The following SEMA3A variants were observed in gnomAD, a reference collection of about 807,000 sequenced individuals.
SEMA3A encodes the protein semaphorin 3A, also known as semaphorin-3A.
SEMA3A carries 29 observed loss-of-function variants against 97.9 expected under a neutral mutation model. The ratio of observed to expected loss-of-function variants is 0.30; its 90% CI spans 0.22 to 0.40. The LOEUF is 0.40. SEMA3A is among the 10% of genes least tolerant of loss of function. The probability of loss-of-function intolerance (pLI) is 1.00; values close to 1 mark genes in which losing one functional copy is unlikely to be tolerated. For synonymous variants in SEMA3A, 321 were observed against 323.7 expected, an observed-to-expected ratio of 0.99 and a Z score of 0.09; for missense variants, 763 against 951.3, an observed-to-expected ratio of 0.80 and a Z score of 2.60.
At chr7:83,964,053 T>C (rs955889542) in intron 15 of SEMA3A, among the ~76,000 whole-genome samples, 10 of 152,192 alleles carry the variant, frequency 6.6e-5, no homozygotes, top group African/African-American at 1.9e-4. Context: ...AATTAGGCTA[T>C]GGAATAAGGC....
chr7:84,374,216 G>C (rs537041496), intron 1 of SEMA3A, among the ~76,000 whole-genome samples: 1 of 152,296 alleles, frequency 6.6e-6, no homozygotes, highest in South Asian at 2.1e-4. Flanking sequence ...TCAAAAATGT[G>C]AATGTGTGTA....
Position 84,046,332 on chromosome 7 carries a change from C to A in SEMA3A, c.659G>T (p.Trp220Leu). 6.2e-7 allele frequency: 1 copy of A among 1,612,904 alleles called. No homozygotes were observed. The highest frequency in any genetic ancestry group is 8.5e-7 in the Non-Finnish European group (1 of 1,179,236). Residue 220 changes from tryptophan (W) to leucine (L), a missense_variant, in exon 6 of 17, where the codon TGG (tryptophan) becomes TTG (leucine). By Grantham distance (61) the Trp-to-Leu change is moderately conservative (BLOSUM62 -2). Transcript: ENST00000265362. ...TTTCATAAACCACCTACCATTGAGCCACCTGGAATCATGCTGCTCTGTCCT... is the reference window on the plus strand; with the variant it reads ...TTTCATAAACCACCTACCATTGAGCAACCTGGAATCATGCTGCTCTGTCCT... The part of the protein sequence containing the change: ...PIRTEQHDSR[W>L]LNDPKFISAH...
chr7:84,052,982 T>C (rs1487740753), intron 5 of SEMA3A, among the ~76,000 whole-genome samples: 1 of 151,048 alleles, frequency 6.6e-6, no homozygotes, highest in South Asian at 2.1e-4. Context: ...CCAGTAGTCA[T>C]TCAGGAGCAG....
intron 4 of SEMA3A, among the ~76,000 whole-genome samples, chr7:84,063,812 T>C (rs867606633): frequency 8.9e-4 from 133 of 148,894 alleles, no homozygotes; most frequent in Middle Eastern, 3.5e-3. Context: ...CTGAAAGTGA[T>C]GGGGAGAATG....
intron 1 of SEMA3A, among the ~76,000 whole-genome samples, chr7:84,407,977 A>G (rs1248024228): frequency 6.6e-6 from 1 of 152,130 alleles, no homozygotes; most frequent in Non-Finnish European, 1.5e-5. Flanking sequence ...TCAGGACATA[A>G]GCATGGGCAA....
intron 3 of SEMA3A, among the ~76,000 whole-genome samples, chr7:84,278,316 TACA>T (rs1380320323): frequency 1.3e-5 from 2 of 152,098 alleles, no homozygotes; most frequent in East Asian, 3.9e-4. Context: ...GCATCTGGGT[TACA>T]ACAATTTATT....
chr7:84,353,603 C>A (rs115428684), intron 2 of SEMA3A, among the ~76,000 whole-genome samples: 1 of 151,576 alleles, frequency 6.6e-6, no homozygotes, highest in Non-Finnish European at 1.5e-5. Flanking sequence ...ATGGGTAAAG[C>A]ATACTTCAAT....
chr7:84,432,909 C>A (rs1320688421), intron 1 of SEMA3A, among the ~76,000 whole-genome samples: 1 of 144,852 alleles, frequency 6.9e-6, no homozygotes, highest in Non-Finnish European at 1.5e-5. Flanking sequence ...AGGGCATATA[C>A]CTAGTAACAG....
chr7:84,322,641 G>T (rs1320886180), intron 2 of SEMA3A, among the ~76,000 whole-genome samples: 1 of 152,048 alleles, frequency 6.6e-6, no homozygotes, highest in East Asian at 1.9e-4. Context: ...TGATTGTGAG[G>T]CCTCCCCAGC....
chr7:84,122,808 G>A (rs1344567728), intron 3 of SEMA3A, among the ~76,000 whole-genome samples: 2 of 152,078 alleles, frequency 1.3e-5, no homozygotes, highest in African/African-American at 4.8e-5. Flanking sequence ...CCTGCAATTT[G>A]AGCCACAGTA....
rs1277993254 is a variant in SEMA3A at position 84,352,899 on chromosome 7, G to A, written c.-169+18925C>T. On this transcript the variant is annotated intron_variant, in intron 2 of 3. Transcript: ENST00000424555. ...AAACTGATCTGTCATGTATGAAAAGGTATGAATAAGAATCTTTGGATTGGT... is the reference window on the plus strand; with the variant it reads ...AAACTGATCTGTCATGTATGAAAAGATATGAATAAGAATCTTTGGATTGGT... Among the ~76,000 whole-genome samples, 3 of 151,852 alleles carry A rather than the reference G, an allele frequency of 2.0e-5. No homozygotes were observed. In the South Asian group the frequency reaches 6.2e-4, roughly 31 times the overall value.
At chr7:84,001,821 G>T in intron 12 of SEMA3A, 134 bp downstream of exon 12, 1 of 459,856 alleles carries the variant, frequency 2.2e-6, no homozygotes, top group Non-Finnish European at 3.9e-6. Flanking sequence ...CTAGTGTCTG[G>T]CTTTCTAATT....
At chr7:84,179,152 G>A (rs1797661036) in intron 1 of SEMA3A, among the ~76,000 whole-genome samples, 1 of 152,002 alleles carries the variant, frequency 6.6e-6, no homozygotes, top group African/African-American at 2.4e-5. Context: ...TAAGTTCTTT[G>A]GTGCAGAACA....
chr7:84,466,264 C>G (rs1805994387), intron 1 of SEMA3A, among the ~76,000 whole-genome samples: 1 of 152,068 alleles, frequency 6.6e-6, no homozygotes, highest in African/African-American at 2.4e-5. Context: ...CCTCCGCCTC[C>G]CTGGTTCAAG....
chr7:84,258,654 C>A (rs1799772707), intron 3 of SEMA3A, among the ~76,000 whole-genome samples: 1 of 152,138 alleles, frequency 6.6e-6, no homozygotes, highest in Non-Finnish European at 1.5e-5. Flanking sequence ...GGTCACAATG[C>A]ATATTTGCTT....
chr7:84,109,977 G>A (rs1156054), intron 4 of SEMA3A, among the ~76,000 whole-genome samples: 6 of 151,666 alleles, frequency 4.0e-5, no homozygotes, highest in Non-Finnish European at 7.4e-5. Context: ...AATTAATAAC[G>A]AAAAATATAC....
chr7:84,487,636 A>G (rs1806609276), intron 1 of SEMA3A, among the ~76,000 whole-genome samples: 1 of 152,160 alleles, frequency 6.6e-6, no homozygotes, highest in South Asian at 2.1e-4. Flanking sequence ...ATTAACTTCA[A>G]GAAGTTAACC....
intron 3 of SEMA3A, among the ~76,000 whole-genome samples, chr7:84,272,088 T>C (rs58835109): frequency 0.066 from 9,994 of 152,124 alleles, 547 homozygotes; most frequent in East Asian, 0.29. Context: ...ACAGCTTGCA[T>C]ACTTGATGTA....
chr7:84,127,849 T>C (rs1242374052), intron 3 of SEMA3A, among the ~76,000 whole-genome samples: 1 of 148,270 alleles, frequency 6.7e-6, no homozygotes, highest in Non-Finnish European at 1.5e-5. Context: ...TTTATGCCTT[T>C]AGGCAACACA....
Sources: allele counts gnomAD v4.1 joint callset (sites outside exome capture counted in the v4.1 genomes callset), GRCh38; gene constraint gnomAD v4.1.1; transcripts MANE v1.5; gene names NCBI Gene and HGNC (gene_info 2026-07-23, HGNC 2026-07-21).